The following ASH1L variants were observed in gnomAD, a reference collection of about 807,000 sequenced individuals.
ASH1L encodes ASH1 like histone lysine methyltransferase, also known as histone-lysine N-methyltransferase ASH1L.
A neutral mutation model predicts 269.0 loss-of-function variants in ASH1L; 23 were observed. The observed-to-expected ratio is 0.09, with a 90% CI of 0.06 to 0.12. ASH1L has a LOEUF of 0.12. ASH1L is among the 10% of genes least tolerant of loss of function. The pLI, the probability that ASH1L is intolerant of heterozygous loss-of-function variation, is 1.00. For synonymous variants in ASH1L, 1,187 were observed against 1,253.5 expected, an observed-to-expected ratio of 0.95 and a Z score of 1.12; for missense variants, 2,912 against 3,567.8, an observed-to-expected ratio of 0.82 and a Z score of 4.68.
At chr1:155,349,504 T>C (rs1653681525) in intron 18 of ASH1L, 38 bp downstream of exon 18, 14 of 1,614,074 alleles carry the variant, frequency 8.7e-6, no homozygotes, top group Non-Finnish European at 1.2e-5. Context: ...CTTAGCACTT[T>C]TTAAAAACTC....
Position 155,379,750 on chromosome 1 carries a change from A to G in ASH1L, c.6177+293T>C, listed in dbSNP as rs12134842. 8.5e-3 allele frequency among the ~76,000 whole-genome samples: 1,297 copies of G among 152,308 alleles called. 9 individuals are homozygous for G. Among genetic ancestry groups the G allele is most frequent in the South Asian group, 0.036 (174 of 4,830 alleles). On this transcript the variant is annotated intron_variant, in intron 8 of 27. Coordinates refer to ENST00000392403, the MANE Select transcript of ASH1L (RefSeq NM_018489.3). ...TCTAAATTCTCCTGAGACCTGCATC[A>G]AATAGAATTCTTACAGAACAAAATC...
In ASH1L at chr1:155,337,690, C is replaced by T. The variant is rs1327817565; in HGVS notation, c.8865G>A (p.Leu2955=). The T allele has an allele frequency of 1.9e-6, 3 of 1,613,980 alleles. No individual in the cohort carries two copies. Among genetic ancestry groups the T allele is most frequent in the Admixed American group, 1.7e-5 (1 of 60,014 alleles). ...GSGRKLRRRT[L]FIPENSFRK is the part of the protein sequence containing the mutation. ...TTCGAAAGCTGTTTTCTGGGATAAACAAAGTACGCCTTCGCAGTTTCCTGC... is the reference window on the plus strand; with the variant it reads ...TTCGAAAGCTGTTTTCTGGGATAAATAAAGTACGCCTTCGCAGTTTCCTGC... Residue 2955 remains leucine, a synonymous_variant, in exon 28 of 28, where the codon TTG becomes TTA. Transcript: ENST00000392403.
intron 2 of ASH1L, among the ~76,000 whole-genome samples, chr1:155,505,097 T>C (rs914959970): frequency 6.6e-6 from 1 of 152,178 alleles, no homozygotes; most frequent in African/African-American, 2.4e-5. Context: ...CTTTTTGTTT[T>C]TTTCCACTGC....
intron 6 of ASH1L, among the ~76,000 whole-genome samples, chr1:155,414,584 T>C (rs927706418): frequency 6.6e-6 from 1 of 152,164 alleles, no homozygotes; most frequent in Non-Finnish European, 1.5e-5. Context: ...GTTGGGATTA[T>C]AGGTGTGAGC....
At chr1:155,353,289 C>G (rs1654088506) in intron 16 of ASH1L, among the ~76,000 whole-genome samples, 1 of 152,192 alleles carries the variant, frequency 6.6e-6, no homozygotes, top group South Asian at 2.1e-4. Flanking sequence ...ATGTGTTTTG[C>G]TCAGTGCCTG....
intron 1 of ASH1L, among the ~76,000 whole-genome samples, chr1:155,557,715 A>C (rs1315072390): frequency 6.6e-6 from 1 of 152,240 alleles, no homozygotes; most frequent in Non-Finnish European, 1.5e-5. Flanking sequence ...GACAAGCAAT[A>C]AGAAAATCTA....
At chr1:155,354,722 T>C (rs1654219675) in intron 15 of ASH1L, 92 bp from the exon 16 acceptor site, 7 of 1,249,772 alleles carry the variant, frequency 5.6e-6, no homozygotes, top group African/African-American at 1.5e-5. Context: ...TTAGACGATA[T>C]ACGTGAATTG....
intron 2 of ASH1L, among the ~76,000 whole-genome samples, chr1:155,518,650 T>C (rs946951800): frequency 9.0e-6 from 1 of 111,556 alleles, no homozygotes; most frequent in Non-Finnish European, 1.7e-5. Flanking sequence ...AAAATGCAAA[T>C]CAAAAACCAC....
chr1:155,346,104 G>A lies in ASH1L; in HGVS notation c.7890+279C>T, dbSNP rs549921219. 240 of 1,271,088 alleles carry A rather than the reference G, an allele frequency of 1.9e-4. 2 individuals are homozygous for A. The African/African-American group carries it at 3.3e-3, about 18-fold the overall frequency. The allele number at this position is 1,271,088 out of a possible 1,614,324, so 78.7% of individuals were successfully genotyped here. A position where few individuals can be genotyped will look rare whatever the true frequency, so the allele number is the denominator to read the frequency against. Reference sequence around the variant, plus strand: ...CCGCCTTAGCCTCCCAGTGTGCTAGGATTACAGGCATGAGCGACCGTGCCC... The same window carrying A: ...CCGCCTTAGCCTCCCAGTGTGCTAGAATTACAGGCATGAGCGACCGTGCCC... On this transcript the variant is annotated intron_variant, in intron 21 of 27. Transcript: ENST00000392403.
intron 1 of ASH1L, among the ~76,000 whole-genome samples, chr1:155,530,398 A>G (rs867308465): frequency 2.0e-5 from 3 of 152,060 alleles, no homozygotes; most frequent in Non-Finnish European, 4.4e-5. Context: ...TAATTCCCTG[A>G]CTTATGTGGG....
chr1:155,344,457 T>G, intron 21 of ASH1L, 184 bp from the exon 22 acceptor site: 1 of 525,282 alleles, frequency 1.9e-6, no homozygotes, highest in East Asian at 3.1e-5. Context: ...AGGACAAAAC[T>G]GATAGGCTAA....
intron 8 of ASH1L, among the ~76,000 whole-genome samples, chr1:155,379,240 G>C (rs1656733915): frequency 6.6e-6 from 1 of 152,078 alleles, no homozygotes; most frequent in Non-Finnish European, 1.5e-5. Context: ...TTTCTAGTCA[G>C]TATGTTCAAA....
At chr1:155,377,785 G>A (rs1656585876) in intron 10 of ASH1L, among the ~76,000 whole-genome samples, 1 of 152,174 alleles carries the variant, frequency 6.6e-6, no homozygotes, top group African/African-American at 2.4e-5. Flanking sequence ...AGCACTTTGG[G>A]AGGCCGAGGC....
chr1:155,433,911 A>C, intron 5 of ASH1L: 2 of 1,594,304 alleles, frequency 1.3e-6, no homozygotes, highest in Non-Finnish European at 1.7e-6. Context: ...GTGAGAGGCA[A>C]CCTGGAGAAT....
intron 21 of ASH1L, among the ~76,000 whole-genome samples, chr1:155,345,572 T>A (rs1258386461): frequency 1.2e-5 from 1 of 83,430 alleles, no homozygotes; most frequent in African/African-American, 4.7e-5. Context: ...CATGCCCAGC[T>A]TTTTTTTTTT....
At chr1:155,461,949 C>T (rs1460307511) in intron 3 of ASH1L, among the ~76,000 whole-genome samples, 1 of 151,918 alleles carries the variant, frequency 6.6e-6, no homozygotes, top group Non-Finnish European at 1.5e-5. Flanking sequence ...CAGGCATGGG[C>T]CACCATGCCC....
chr1:155,424,373 G>T (rs937031312), intron 5 of ASH1L, among the ~76,000 whole-genome samples: 2 of 151,966 alleles, frequency 1.3e-5, no homozygotes, highest in African/African-American at 4.8e-5. Flanking sequence ...AACAAGAGGT[G>T]GCTATGAAAT....
intron 6 of ASH1L, among the ~76,000 whole-genome samples, chr1:155,397,948 AATTT>A (rs1571101562): frequency 6.6e-6 from 1 of 152,218 alleles, no homozygotes; most frequent in Non-Finnish European, 1.5e-5. Flanking sequence ...TTACTCTCAT[AATTT>A]ATTATGATTA....
chr1:155,516,973 G>C (rs114636324), intron 2 of ASH1L, among the ~76,000 whole-genome samples: 1,542 of 152,052 alleles, frequency 0.01, 29 homozygotes, highest in African/African-American at 0.035. Flanking sequence ...ATAAACAAAA[G>C]ACATCCCACA....
Sources: gnomAD v4.1 joint callset for allele counts (sites outside exome capture counted in the v4.1 genomes callset) on GRCh38, gnomAD v4.1.1 for gene constraint, MANE v1.5 for transcripts, NCBI Gene and HGNC (gene_info 2026-07-23, HGNC 2026-07-21) for gene names.